RPS6KA5: variants seen among roughly 807,000 people sequenced by gnomAD.
RPS6KA5 encodes the protein ribosomal protein S6 kinase alpha-5.
Under a neutral mutation model 85.5 loss-of-function variants are expected in RPS6KA5, and 27 were observed. The ratio of observed to expected loss-of-function variants is 0.32; its 90% confidence interval spans 0.23 to 0.44. The LOEUF is 0.44. Ranked by LOEUF, RPS6KA5 falls within the 20% of genes least tolerant of loss-of-function variation. The pLI, the probability that RPS6KA5 is intolerant of heterozygous loss-of-function variation, is 1.00. For missense variants in RPS6KA5, 811 were observed against 980.9 expected (o/e 0.83, Z 2.31); for synonymous variants, 334 against 348.2 (o/e 0.96, Z 0.46).
intron 13 of RPS6KA5, chr14:90,894,148 C>G: frequency 2.8e-6 from 3 of 1,089,174 alleles, no homozygotes; most frequent in Non-Finnish European, 3.3e-6. Flanking sequence ...ACAACTGTTG[C>G]ATAAAGTATT....
intron 1 of RPS6KA5, among the ~76,000 whole-genome samples, chr14:91,049,362 C>T (rs916062552): frequency 2.0e-5 from 3 of 152,156 alleles, no homozygotes; most frequent in Non-Finnish European, 4.4e-5. Flanking sequence ...CGCCTGTAAT[C>T]CCACCACTTT....
In RPS6KA5 at chr14:90,861,892, CAAAAAAAAA is replaced by C; in HGVS notation, c.*10173_*10181del. 1 of 103,688 alleles carries C rather than the reference CAAAAAAAAA, an allele frequency of 9.6e-6. No individual in the cohort carries two copies. The highest frequency in any genetic ancestry group is 2.8e-4 in the East Asian group (1 of 3,518). 6.4% of individuals were successfully genotyped at this position (103,688 alleles called of 1,614,324 possible). ...CAGCCTGGCGACAAAGACTCCATCT[CAAAAAAAAA>C]AAAAAAAAAGGGGAAAACAGATTTA... On this transcript the variant is annotated 3_prime_UTR_variant, in exon 17 of 17. Coordinates refer to ENST00000614987, the MANE Select transcript of RPS6KA5 (RefSeq NM_004755.4).
intron 1 of RPS6KA5, among the ~76,000 whole-genome samples, chr14:91,053,448 A>C (rs1209299259): frequency 1.3e-5 from 2 of 152,234 alleles, no homozygotes; most frequent in Non-Finnish European, 2.9e-5. Flanking sequence ...AATCTTATAA[A>C]TAGAAAATCC....
At chr14:90,946,303 A>G (rs1409095538) in intron 4 of RPS6KA5, among the ~76,000 whole-genome samples, 1 of 151,040 alleles carries the variant, frequency 6.6e-6, no homozygotes, top group African/African-American at 2.4e-5. Context: ...CTGCCCCTCA[A>G]CCCCCCCATT....
At chr14:91,055,568 C>G (rs2043279851) in intron 1 of RPS6KA5, among the ~76,000 whole-genome samples, 2 of 152,010 alleles carry the variant, frequency 1.3e-5, no homozygotes, top group African/African-American at 4.8e-5. Flanking sequence ...TCTCTTGAGC[C>G]CAGGAGTTGG....
In RPS6KA5 at chr14:90,875,220, C is replaced by T. The variant is rs753356455; in HGVS notation, c.1977G>A (p.Glu659=). The T allele has an allele frequency of 1.2e-6, 2 of 1,613,538 alleles. No individual in the cohort carries two copies. The highest frequency in any genetic ancestry group is 1.7e-6 in the Non-Finnish European group (2 of 1,179,714). Residue 659 remains glutamate (E), a synonymous_variant, in exon 15 of 17, where the codon GAG becomes GAA. Coordinates refer to ENST00000614987, the MANE Select transcript of RPS6KA5 (RefSeq NM_004755.4). ...EGEAWKNVSQ[E]AKDLIQGLLT... ...TCTTACCTTGGATCAAATCTTTAGC[C>T]TCTTGGGATACATTCTTCCAGGCTT...
chr14:90,917,742 A>T (rs201428552), intron 7 of RPS6KA5, among the ~76,000 whole-genome samples: 64 of 103,060 alleles, frequency 6.2e-4, no homozygotes, highest in South Asian at 5.7e-3. Context: ...CCTTTTTTTT[A>T]AAAGAGATAG....
At position 90,850,625 on chromosome 14, in the gene RPS6KA5, G is replaced by C. The variant is rs1245984549; in HGVS notation, c.*21449C>G. ...CAAAAGGTACACATCAAAGTAGTGA[G>C]GTAGCAGCCCCCACTTTCCCAAAAA... is the stretch of plus-strand genomic sequence containing the variant. On this transcript the variant is annotated 3_prime_UTR_variant, in exon 17 of 17. Coordinates refer to ENST00000614987, the MANE Select transcript of RPS6KA5 (RefSeq NM_004755.4). 1 of 152,224 alleles carries C rather than the reference G, an allele frequency of 6.6e-6. No individual in the cohort carries two copies. Among genetic ancestry groups the C allele is most frequent in the Admixed American group, 6.5e-5 (1 of 15,286 alleles). The allele number at this position is 152,224 out of a possible 1,614,324, so 9.4% of individuals were successfully genotyped here.
intron 2 of RPS6KA5, among the ~76,000 whole-genome samples, chr14:90,982,102 T>C (rs964413186): frequency 1.6e-4 from 25 of 152,240 alleles, no homozygotes; most frequent in Admixed American, 6.5e-4. Context: ...AGAGCGGCCA[T>C]TGAAACTGGA....
At chr14:91,030,422 A>G (rs945445256) in intron 1 of RPS6KA5, among the ~76,000 whole-genome samples, 3 of 152,198 alleles carry the variant, frequency 2.0e-5, no homozygotes, top group African/African-American at 7.2e-5. Flanking sequence ...TTATGGAAAA[A>G]TGAACAAACT....
intron 2 of RPS6KA5, among the ~76,000 whole-genome samples, chr14:90,979,512 T>C (rs1805875057): frequency 6.6e-6 from 1 of 152,184 alleles, no homozygotes; most frequent in Non-Finnish European, 1.5e-5. Context: ...CAGATCAATA[T>C]TCACACTCTA....
At chr14:90,944,948 TA>T (rs199903786) in intron 4 of RPS6KA5, among the ~76,000 whole-genome samples, 2,611 of 115,016 alleles carry the variant, frequency 0.023, 40 homozygotes, top group African/African-American at 0.066. Flanking sequence ...TTTTTTTTTT[TA>T]AAAGAACAGA....
intron 1 of RPS6KA5, among the ~76,000 whole-genome samples, chr14:91,058,840 T>A (rs760654481): frequency 2.0e-5 from 3 of 152,194 alleles, no homozygotes; most frequent in Non-Finnish European, 4.4e-5. Flanking sequence ...TTAAGAAGCA[T>A]GAATTTGACA....
Position 90,856,924 on chromosome 14 carries a change from C to A in RPS6KA5, c.*15150G>T. The stretch of plus-strand genomic sequence containing the variant: ...TAAGTGGAATCATACAATACGTGGC[C>A]TTGTGTGTCTGGTTTCTTTACCTTT... On this transcript the variant is annotated 3_prime_UTR_variant, in exon 17 of 17. Transcript: ENST00000614987. The A allele has an allele frequency of 6.4e-6, 1 of 156,654 alleles. No homozygotes were observed. The highest frequency in any genetic ancestry group is 1.4e-5 in the Non-Finnish European group (1 of 70,470). 9.7% of individuals were successfully genotyped at this position (156,654 alleles called of 1,614,324 possible). A position where few individuals can be genotyped will look rare whatever the true frequency, so the allele number is the denominator to read the frequency against.
chr14:91,048,814 A>G (rs1027852644), intron 1 of RPS6KA5, among the ~76,000 whole-genome samples: 1 of 152,212 alleles, frequency 6.6e-6, no homozygotes, highest in Non-Finnish European at 1.5e-5. Flanking sequence ...ACATCTCTCA[A>G]CAGTGTATTT....
At position 91,042,549 on chromosome 14, in the gene RPS6KA5, T is replaced by TA. The variant is rs1280301290; in HGVS notation, c.103+17782dup. Among the ~76,000 whole-genome samples the TA allele has an allele frequency of 2.6e-5, 4 of 152,234 alleles. No individual in the cohort carries two copies. In the East Asian group the frequency reaches 7.7e-4, roughly 29 times the overall value. ...TTTTGAAGACCAGAATCACAATTTT[T>TA]AAAAAACAATGATGCTATTTTTCTC... is the stretch of plus-strand genomic sequence containing the variant. On this transcript the variant is annotated intron_variant, in intron 1 of 16. Coordinates refer to ENST00000614987, the MANE Select transcript of RPS6KA5 (RefSeq NM_004755.4).
intron 5 of RPS6KA5, among the ~76,000 whole-genome samples, chr14:90,925,941 C>CAAAAAAAAAAAA (rs71117389): frequency 4.2e-4 from 31 of 73,494 alleles, no homozygotes; most frequent in African/African-American, 9.5e-4. Flanking sequence ...GACCCTGACT[C>CAAAAAAAAAAAA]AAAAAAAAAA....
chr14:90,947,860 T>C (rs956352934), intron 3 of RPS6KA5, among the ~76,000 whole-genome samples: 2 of 152,208 alleles, frequency 1.3e-5, no homozygotes, highest in African/African-American at 4.8e-5. Flanking sequence ...GCCATAACCA[T>C]ATAATGCATA....
intron 2 of RPS6KA5, among the ~76,000 whole-genome samples, chr14:90,991,545 T>G (rs2040305910): frequency 6.6e-6 from 1 of 151,764 alleles, no homozygotes; most frequent in Admixed American, 6.6e-5. Flanking sequence ...CTACTAAAAA[T>G]ACAAAAATTA....
Sources: allele counts gnomAD v4.1 joint callset (sites outside exome capture counted in the v4.1 genomes callset), GRCh38; gene constraint gnomAD v4.1.1; transcripts MANE v1.5; gene names NCBI Gene and HGNC (gene_info 2026-07-23, HGNC 2026-07-21).